The following DPYS variants were observed in gnomAD, a reference collection of about 807,000 sequenced individuals.
DPYS encodes the protein dihydropyrimidine amidohydrolase.
In DPYS, 39 loss-of-function variants were observed where a neutral mutation model predicts 50.3. The ratio of observed to expected loss-of-function variants is 0.78; its 90% CI spans 0.60 to 1.01. The LOEUF (loss-of-function observed/expected upper bound fraction) is 1.01, where lower values mean the gene tolerates loss of function less well. DPYS is among the 50% of genes least tolerant of loss of function. DPYS has a pLI of 0.00. For synonymous variants in DPYS, 245 were observed against 250.7 expected, an observed-to-expected ratio of 0.98 and a Z score of 0.22; for missense variants, 659 against 680.9, an observed-to-expected ratio of 0.97 and a Z score of 0.36.
intron 7 of DPYS, among the ~76,000 whole-genome samples, chr8:104,410,331 C>T (rs890134162): frequency 5.3e-5 from 8 of 152,110 alleles, no homozygotes; most frequent in African/African-American, 1.7e-4. Context: ...CCCTAAAATA[C>T]GATTTAGTCA....
At chr8:104,434,572 G>A (rs1813064781) in intron 4 of DPYS, among the ~76,000 whole-genome samples, 1 of 152,146 alleles carries the variant, frequency 6.6e-6, no homozygotes, top group Admixed American at 6.5e-5. Flanking sequence ...TGCCTATTAA[G>A]TAAAACTATA....
At chr8:104,456,730 T>C (rs1813937980) in intron 1 of DPYS, among the ~76,000 whole-genome samples, 1 of 152,212 alleles carries the variant, frequency 6.6e-6, no homozygotes, top group South Asian at 2.1e-4. Flanking sequence ...ATTTAGCTTT[T>C]CTAACCTGGC....
At chr8:104,391,502 C>T (rs1467994305) in intron 8 of DPYS, among the ~76,000 whole-genome samples, 1 of 152,156 alleles carries the variant, frequency 6.6e-6, no homozygotes, top group Non-Finnish European at 1.5e-5. Context: ...CCTCCCCGGC[C>T]CCCATATCCA....
At chr8:104,413,650 T>A (rs1812270088) in intron 7 of DPYS, among the ~76,000 whole-genome samples, 1 of 152,198 alleles carries the variant, frequency 6.6e-6, no homozygotes, top group African/African-American at 2.4e-5. Context: ...AATATAAGTT[T>A]TTTAATTACT....
At chr8:104,381,852 T>TCATACA (rs1554689946) in intron 8 of DPYS, among the ~76,000 whole-genome samples, 1 of 123,872 alleles carries the variant, frequency 8.1e-6, no homozygotes, top group African/African-American at 3.5e-5. Context: ...AGTTTTGAAA[T>TCATACA]CACACACACA....
Position 104,392,859 on chromosome 8 carries a change from C to T in DPYS, c.1368G>A (p.Thr456=), listed in dbSNP as rs35670436. 2.2e-5 allele frequency: 35 copies of T among 1,614,146 alleles called. No homozygotes were observed. In the African/African-American group the frequency reaches 3.5e-4, roughly 16 times the overall value. The stretch of plus-strand genomic sequence containing the variant: ...GAGGAATAAACTTCCCATCTCCTGC[C>T]GTGACACTGAACACTCCGGCTTCAT... The part of the protein sequence containing the change: ...VVYEAGVFSV[T]AGDGKFIPRK... Residue 456 remains threonine (T), a synonymous_variant, in exon 8 of 10, where the codon ACG becomes ACA. Transcript: ENST00000351513.
At chr8:104,393,597 T>C (rs376841902) in intron 7 of DPYS, among the ~76,000 whole-genome samples, 10 of 152,230 alleles carry the variant, frequency 6.6e-5, no homozygotes, top group African/African-American at 2.4e-4. Flanking sequence ...CGTTGGAATA[T>C]AATCTCTTAG....
Position 104,429,672 on chromosome 8 carries a change from C to T in DPYS, c.823G>A (p.Ala275Thr), listed in dbSNP as rs2140647571. The change falls in exon 5 of 10, where the codon GCC becomes ACC. Residue 275 changes from alanine to threonine, a missense_variant. Ala to Thr is a moderately conservative substitution (Grantham distance 58). Transcript: ENST00000351513. ...TGAGTGCCATCTGTGCCAAGACTGG[C>T]TGCTATGGGTTCACCATAGACCACC... is the stretch of plus-strand genomic sequence containing the variant. The part of the protein sequence containing the change: ...GKVVYGEPIA[A>T]SLGTDGTHYW... 1 of 1,614,130 alleles carries T rather than the reference C, an allele frequency of 6.2e-7. No individual in the cohort carries two copies. The highest frequency in any genetic ancestry group is 8.5e-7 in the Non-Finnish European group (1 of 1,180,016).
At chr8:104,465,663 C>G (rs77950150) in intron 1 of DPYS, among the ~76,000 whole-genome samples, 2 of 152,212 alleles carry the variant, frequency 1.3e-5, no homozygotes, top group South Asian at 4.2e-4. Context: ...TATACTAACA[C>G]TAACGACAGC....
intron 1 of DPYS, 61 bp from the exon 2 acceptor site, chr8:104,451,465 A>T: frequency 3.1e-6 from 5 of 1,603,528 alleles, no homozygotes; most frequent in Non-Finnish European, 4.3e-6. Context: ...GTCATTTATC[A>T]TCTTGAACAA....
intron 1 of DPYS, among the ~76,000 whole-genome samples, chr8:104,464,738 A>C (rs1380534294): frequency 6.6e-6 from 1 of 152,258 alleles, no homozygotes; most frequent in Non-Finnish European, 1.5e-5. Flanking sequence ...AATACACCAA[A>C]ACATTGGCTG....
rs1290567794 is a variant in DPYS at position 104,466,717 on chromosome 8, C to CGT, written c.202_203dup (p.His69ArgfsTer30). The CGT allele has an allele frequency of 1.3e-6, 2 of 1,535,794 alleles. No homozygotes were observed. The highest frequency in any genetic ancestry group is 1.4e-5 in the African/African-American group (1 of 72,528). Reference sequence around the variant, plus strand: ...AGCCCATGAAGGGGAACTGCATGTGCGTGTGTGTGTCGATGCCTCCGGGCA... The same window carrying CGT: ...AGCCCATGAAGGGGAACTGCATGTGCGTGTGTGTGTGTCGATGCCTCCGGGCA... On this transcript the variant is annotated frameshift_variant, in exon 1 of 10. Transcript: ENST00000351513. LOFTEE classifies it high-confidence loss of function.
intron 8 of DPYS, among the ~76,000 whole-genome samples, chr8:104,384,007 CAT>C (rs752314329): frequency 6.6e-6 from 1 of 152,178 alleles, no homozygotes; most frequent in African/African-American, 2.4e-5. Context: ...CTGACCATCA[CAT>C]GTCTCTGACC....
intron 4 of DPYS, among the ~76,000 whole-genome samples, chr8:104,433,005 A>G (rs1397857321): frequency 6.6e-6 from 1 of 152,238 alleles, no homozygotes; most frequent in African/African-American, 2.4e-5. Context: ...GCCCTAATTC[A>G]ATAACACTGT....
chr8:104,433,693 C>T (rs994450241), intron 4 of DPYS, among the ~76,000 whole-genome samples: 2 of 152,152 alleles, frequency 1.3e-5, no homozygotes, highest in Non-Finnish European at 2.9e-5. Flanking sequence ...AGTTGCACAT[C>T]GATTCTTCCT....
chr8:104,411,666 T>C (rs1812178790), intron 7 of DPYS: 3 of 152,210 alleles, frequency 2.0e-5, no homozygotes. Context: ...AAGCTATTTA[T>C]TAGAAGACAG....
chr8:104,386,322 C>A lies in DPYS; in HGVS notation c.1444-5008G>T, dbSNP rs148360161. ...CTGAGGGAGGCTGATCACTTGAGGT[C>A]AGGAGTTCAAGACCAGCCTGGTCAA... On this transcript the variant is annotated intron_variant, in intron 8 of 9. Coordinates refer to ENST00000351513, the MANE Select transcript of DPYS (RefSeq NM_001385.3). Among the ~76,000 whole-genome samples the A allele has an allele frequency of 4.8e-3, 733 of 152,092 alleles. 6 individuals carry two copies. Among genetic ancestry groups the A allele is most frequent in the African/African-American group, 0.017 (697 of 41,506 alleles).
At chr8:104,449,752 G>A (rs1381021617) in intron 2 of DPYS, among the ~76,000 whole-genome samples, 1 of 152,192 alleles carries the variant, frequency 6.6e-6, no homozygotes, top group African/African-American at 2.4e-5. Flanking sequence ...GACAAGGAAT[G>A]CCAAAGGTTG....
chr8:104,388,899 C>T (rs1811300875), intron 8 of DPYS, among the ~76,000 whole-genome samples: 1 of 152,192 alleles, frequency 6.6e-6, no homozygotes, highest in Admixed American at 6.5e-5. Flanking sequence ...CAAGCTCTCA[C>T]AAGATAATCC....
Sources: allele counts gnomAD v4.1 joint callset (sites outside exome capture counted in the v4.1 genomes callset), GRCh38; gene constraint gnomAD v4.1.1; transcripts MANE v1.5; gene names NCBI Gene and HGNC (gene_info 2026-07-23, HGNC 2026-07-21).